SLC27A6: variants seen among roughly 807,000 people sequenced by gnomAD.
The protein encoded by SLC27A6 is long-chain fatty acid transport protein 6.
A neutral mutation model predicts 63.9 loss-of-function variants in SLC27A6; 74 were observed. The observed-to-expected ratio is 1.16, with a 90% CI of 0.96 to 1.40. The LOEUF (loss-of-function observed/expected upper bound fraction) is 1.40. Among genes scored for constraint, SLC27A6 ranks in the 40% most tolerant of loss-of-function variants. SLC27A6 has a pLI of 0.00. For synonymous variants in SLC27A6, 287 were observed against 260.8 expected (o/e 1.10, Z -0.97); for missense variants, 794 against 732.9 (o/e 1.08, Z -0.96).
chr5:128,997,089 A>T lies in SLC27A6; in HGVS notation c.969+6625A>T, dbSNP rs576889148. The stretch of plus-strand genomic sequence containing the variant: ...TTCTCCTTTTCATGTCCTTTAAAAG[A>T]TGTAATCAATCAAAGTACATAGTTT... On this transcript the variant is annotated intron_variant, in intron 4 of 9. Coordinates refer to ENST00000262462, the MANE Select transcript of SLC27A6 (RefSeq NM_001017372.3). 2.0e-5 allele frequency among the ~76,000 whole-genome samples: 3 copies of T among 152,254 alleles called. No individual in the cohort carries two copies. The East Asian group carries it at 5.8e-4, about 29-fold the overall frequency.
At chr5:128,969,395 G>A (rs911739137) in intron 1 of SLC27A6, among the ~76,000 whole-genome samples, 2 of 152,092 alleles carry the variant, frequency 1.3e-5, no homozygotes, top group South Asian at 4.1e-4. Context: ...CCTATCCATG[G>A]GCATGGAATG....
chr5:129,026,203 G>A (rs2577548), intron 6 of SLC27A6, among the ~76,000 whole-genome samples: 21,234 of 152,044 alleles, frequency 0.14, 1,800 homozygotes, highest in East Asian at 0.22. Flanking sequence ...TCATCTAGCC[G>A]CATGAACACT....
Position 128,988,764 on chromosome 5 carries a change from G to A in SLC27A6, c.844+6G>A. The A allele has an allele frequency of 1.3e-6, 2 of 1,592,110 alleles. No individual in the cohort carries two copies. Among genetic ancestry groups the A allele is most frequent in the African/African-American group, 1.4e-5 (1 of 73,598 alleles). The stretch of plus-strand genomic sequence containing the variant: ...TTCTGGATGTGTTGAGTTGGGTAAG[G>A]CTTTATTTTCTTTTTGATAAGTTTT... On this transcript the variant is annotated splice_donor_region_variant and intron_variant, in intron 3 of 9. Coordinates refer to ENST00000262462, the MANE Select transcript of SLC27A6 (RefSeq NM_001017372.3).
At chr5:129,023,838 C>T (rs1752153577) in intron 6 of SLC27A6, 128 bp downstream of exon 6, 1 of 651,566 alleles carries the variant, frequency 1.5e-6, no homozygotes, top group Non-Finnish European at 2.7e-6. Flanking sequence ...TGGATGTTTG[C>T]TCCTTATATA....
chr5:129,025,279 G>A (rs370371049), intron 6 of SLC27A6, among the ~76,000 whole-genome samples: 1 of 151,920 alleles, frequency 6.6e-6, no homozygotes, highest in African/African-American at 2.4e-5. Context: ...TTAAACATTT[G>A]CAACAATTAG....
chr5:128,978,483 A>G (rs1750467612), intron 1 of SLC27A6, among the ~76,000 whole-genome samples: 1 of 152,180 alleles, frequency 6.6e-6, no homozygotes, highest in Non-Finnish European at 1.5e-5. Flanking sequence ...GTTAGTGACA[A>G]TAACAAGAGT....
chr5:128,988,569 A>G, intron 2 of SLC27A6, 31 bp from the exon 3 acceptor site: 1 of 1,590,374 alleles, frequency 6.3e-7, no homozygotes, highest in Non-Finnish European at 8.6e-7. Flanking sequence ...ATGTGTGTAT[A>G]TATATTTCCT....
rs1750871130 is a variant in SLC27A6, at chr5:128,988,623, A to G, written c.709A>G (p.Ser237Gly). The change falls in exon 3 of 10, where the codon AGT becomes GGT. Residue 237 changes from serine to glycine, a missense_variant. Coordinates refer to ENST00000262462, the MANE Select transcript of SLC27A6 (RefSeq NM_001017372.3). Reference protein sequence around the residue: ...TTGLPKAAVISQLQVLRGSAV... With the variant: ...TTGLPKAAVIGQLQVLRGSAV... ...AGGTCTACCAAAAGCAGCTGTGATT[A>G]GTCAGCTGCAGGTTTTAAGGGGTTC... 22 of 1,613,972 alleles carry G rather than the reference A, an allele frequency of 1.4e-5. No homozygotes were observed. The highest frequency in any genetic ancestry group is 1.9e-5 in the Non-Finnish European group (22 of 1,179,908).
intron 4 of SLC27A6, among the ~76,000 whole-genome samples, chr5:128,998,323 A>T (rs535563913): frequency 6.6e-6 from 1 of 150,780 alleles, no homozygotes; most frequent in Non-Finnish European, 1.5e-5. Flanking sequence ...TTTTACATGA[A>T]TGTATTTATA....
At chr5:128,979,855 A>G (rs1750524238) in intron 1 of SLC27A6, among the ~76,000 whole-genome samples, 1 of 152,216 alleles carries the variant, frequency 6.6e-6, no homozygotes, top group African/African-American at 2.4e-5. Context: ...AAATCATGTC[A>G]GGAAAAAATA....
chr5:128,987,829 G>T (rs1320715983), intron 2 of SLC27A6, among the ~76,000 whole-genome samples: 3 of 151,988 alleles, frequency 2.0e-5, no homozygotes, highest in African/African-American at 7.2e-5. Context: ...TGGGCAAAAA[G>T]AACAGAAATA....
In SLC27A6 at chr5:128,980,855, T is replaced by C. The variant is rs565775686; in HGVS notation, c.482-4278T>C. Among the ~76,000 whole-genome samples, 256 of 152,322 alleles carry C rather than the reference T, an allele frequency of 1.7e-3. 1 individual carries two copies. Among genetic ancestry groups the C allele is most frequent in the African/African-American group, 5.8e-3 (242 of 41,566 alleles). On this transcript the variant is annotated intron_variant, in intron 1 of 9. Coordinates refer to ENST00000262462, the MANE Select transcript of SLC27A6 (RefSeq NM_001017372.3). ...TCTTTGAAAGTATTAGCTTGTTTTA[T>C]GTAGAATAATGTAGTTTTTAGTGCA...
At chr5:129,027,527 A>G (rs561204013) in intron 7 of SLC27A6, among the ~76,000 whole-genome samples, 196 bp downstream of exon 7, 6 of 152,206 alleles carry the variant, frequency 3.9e-5, no homozygotes, top group Non-Finnish European at 7.4e-5. Flanking sequence ...AAGTTTTATG[A>G]TTATTTTAGT....
intron 4 of SLC27A6, among the ~76,000 whole-genome samples, chr5:129,012,763 C>T (rs541697200): frequency 6.6e-6 from 1 of 152,080 alleles, no homozygotes; most frequent in South Asian, 2.1e-4. Flanking sequence ...TACTAGCTTC[C>T]TCTTGGGTGA....
chr5:129,020,245 T>C (rs1580744011), intron 5 of SLC27A6, among the ~76,000 whole-genome samples: 2 of 152,130 alleles, frequency 1.3e-5, no homozygotes, highest in Non-Finnish European at 2.9e-5. Flanking sequence ...TTTTAAGAAA[T>C]CAGAAACTAT....
intron 1 of SLC27A6, among the ~76,000 whole-genome samples, chr5:128,983,407 C>T (rs1481660777): frequency 6.7e-6 from 1 of 150,132 alleles, no homozygotes; most frequent in African/African-American, 2.4e-5. Context: ...ATTCTCCTGC[C>T]TCAGCCTCCT....
At chr5:129,024,818 CA>C (rs1196964636) in intron 6 of SLC27A6, among the ~76,000 whole-genome samples, 1 of 152,002 alleles carries the variant, frequency 6.6e-6, no homozygotes, top group Non-Finnish European at 1.5e-5. Flanking sequence ...ATCTTTTCTT[CA>C]AATGTGAAGA....
intron 4 of SLC27A6, among the ~76,000 whole-genome samples, chr5:128,998,949 A>G (rs1403106398): frequency 6.6e-6 from 1 of 152,184 alleles, no homozygotes; most frequent in Non-Finnish European, 1.5e-5. Flanking sequence ...GGATTTAATG[A>G]CAACTTTTCT....
At position 129,015,913 on chromosome 5, in the gene SLC27A6, G is replaced by A. The variant is rs145458325; in HGVS notation, c.998G>A (p.Arg333His). 1.3e-4 allele frequency: 212 copies of A among 1,596,606 alleles called. No homozygotes were observed. The African/African-American group carries it at 2.1e-3, about 16-fold the overall frequency. ...KREGEKDHKVRLAIGNGIRSD... is the reference protein window; with the variant it reads ...KREGEKDHKVHLAIGNGIRSD... ...GAAGGAGAAAAGGATCATAAGGTGC[G>A]TTTGGCAATTGGAAATGGCATACGG... Residue 333 changes from arginine to histidine, a missense_variant, in exon 5 of 10, where the codon CGT (arginine) becomes CAT (histidine). Arg to His is a conservative substitution (Grantham distance 29). Transcript: ENST00000262462.
Sources: gnomAD v4.1 joint callset for allele counts (sites outside exome capture counted in the v4.1 genomes callset) on GRCh38, gnomAD v4.1.1 for gene constraint, MANE v1.5 for transcripts, NCBI Gene and HGNC (gene_info 2026-07-23, HGNC 2026-07-21) for gene names.